The following CARF variants were observed in gnomAD, a reference collection of about 807,000 sequenced individuals.
CARF encodes the protein calcium-responsive transcription factor.
Under a neutral mutation model 82.0 loss-of-function variants are expected in CARF, and 57 were observed. The observed-to-expected ratio is 0.70, with a 90% CI of 0.56 to 0.87. The LOEUF is 0.87. Ranked by LOEUF, CARF falls within the 40% of genes least tolerant of loss-of-function variation. CARF has a pLI of 0.00. For missense variants in CARF, 771 were observed against 855.8 expected (o/e 0.90, Z 1.24); for synonymous variants, 268 against 290.1 (o/e 0.92, Z 0.77).
Position 202,954,095 on chromosome 2 carries a change from C to T in CARF, c.518C>T (p.Pro173Leu). 6.2e-7 allele frequency: 1 copy of T among 1,613,376 alleles called. No individual in the cohort carries two copies. The highest frequency in any genetic ancestry group is 8.5e-7 in the Non-Finnish European group (1 of 1,179,686). Reference protein sequence around the residue: ...ADNTSNYILHPQTSFPLPKKS... With the variant: ...ADNTSNYILHLQTSFPLPKKS... ...AATACCAGCAATTACATTCTTCATC[C>T]TCAAACATCCTTCCCATTGCCCAAA... Residue 173 changes from proline (P) to leucine (L), a missense_variant, in exon 7 of 17, where the codon CCT (proline) becomes CTT (leucine). Pro to Leu is a moderately conservative substitution (Grantham distance 98). Transcript: ENST00000438828.
intron 12 of CARF, among the ~76,000 whole-genome samples, chr2:202,972,532 C>T (rs937387800): frequency 5.9e-5 from 9 of 151,940 alleles, no homozygotes; most frequent in Non-Finnish European, 1.2e-4. Context: ...CAAAAACTAG[C>T]TGGGCATGGT....
chr2:202,981,530 TAATA>T, intron 14 of CARF, 21 bp from the exon 15 acceptor site: 4 of 1,459,340 alleles, frequency 2.7e-6, no homozygotes, highest in Non-Finnish European at 3.7e-6. Flanking sequence ...AAAATTATTT[TAATA>T]GTTTCTTTAA....
At chr2:202,939,579 G>A (rs1250426281) in intron 3 of CARF, among the ~76,000 whole-genome samples, 1 of 148,896 alleles carries the variant, frequency 6.7e-6, no homozygotes, top group Non-Finnish European at 1.5e-5. Flanking sequence ...TTTATGTTCT[G>A]TTTTTGCTGT....
chr2:202,946,356 C>T (rs1481857869), intron 5 of CARF, among the ~76,000 whole-genome samples: 3 of 152,148 alleles, frequency 2.0e-5, no homozygotes, highest in African/African-American at 7.2e-5. Context: ...ACATCTACAA[C>T]CATCTGATCT....
intron 3 of CARF, among the ~76,000 whole-genome samples, chr2:202,935,187 T>G (rs1693714144): frequency 7.0e-6 from 1 of 142,624 alleles, no homozygotes; most frequent in African/African-American, 2.6e-5. Context: ...AATATAAATT[T>G]TATAAATATA....
At position 202,977,334 on chromosome 2, in the gene CARF, T is replaced by C; in HGVS notation, c.1558+2T>C. The C allele has an allele frequency of 1.2e-6, 2 of 1,605,904 alleles. No homozygotes were observed. The highest frequency in any genetic ancestry group is 2.2e-5 in the East Asian group (1 of 44,738). On this transcript the variant is annotated splice_donor_variant, in intron 14 of 16. Coordinates refer to ENST00000438828, the MANE Select transcript of CARF (RefSeq NM_024744.17). LOFTEE classifies it high-confidence loss of function. ...CCATGACAGTTACATTTGCAGAAGG[T>C]AGGTTTTCTTGAATACCTTTAAAAT...
In CARF at chr2:202,982,409, C is replaced by A. The variant is rs78696642; in HGVS notation, c.2027C>A (p.Pro676Gln). The A allele has an allele frequency of 3.1e-6, 5 of 1,613,946 alleles. No homozygotes were observed. The highest frequency in any genetic ancestry group is 4.2e-6 in the Non-Finnish European group (5 of 1,179,966). Residue 676 changes from proline to glutamine, a missense_variant, in exon 16 of 17, where the codon CCA becomes CAA. Transcript: ENST00000438828. ...RILLGDVQTI[P>Q]IQIIDNHSAL... ...CTGTTGGGAGATGTGCAGACTATTC[C>A]AATACAGATTATAGACAACCACTCA... is the stretch of plus-strand genomic sequence containing the variant.
At chr2:202,926,154 G>C (rs977470245) in intron 3 of CARF, among the ~76,000 whole-genome samples, 2 of 152,132 alleles carry the variant, frequency 1.3e-5, no homozygotes, top group East Asian at 1.9e-4. Flanking sequence ...CAGAGCCTGT[G>C]GGGGAGGCAA....
intron 2 of CARF, among the ~76,000 whole-genome samples, chr2:202,923,799 A>G (rs1234021461): frequency 6.6e-6 from 1 of 152,250 alleles, no homozygotes; most frequent in Non-Finnish European, 1.5e-5. Context: ...GAAACAGAAT[A>G]GAGAACCCAG....
At chr2:202,948,254 A>G (rs567775853) in intron 5 of CARF, among the ~76,000 whole-genome samples, 2 of 152,272 alleles carry the variant, frequency 1.3e-5, no homozygotes, top group African/African-American at 4.8e-5. Context: ...TGGTTACTGT[A>G]GCCTTGTAGT....
chr2:202,937,183 G>A, intron 3 of CARF, among the ~76,000 whole-genome samples: 1 of 151,992 alleles, frequency 6.6e-6, no homozygotes, highest in East Asian at 1.9e-4. Flanking sequence ...CTTTTTTGCA[G>A]CCCATAGATT....
intron 1 of CARF, among the ~76,000 whole-genome samples, chr2:202,915,142 G>C (rs1351959713): frequency 6.6e-6 from 1 of 151,462 alleles, no homozygotes; most frequent in Non-Finnish European, 1.5e-5. Context: ...TCAGCTTCCC[G>C]AGTAGCTGGG....
At chr2:202,980,573 G>A (rs376785602) in intron 14 of CARF, among the ~76,000 whole-genome samples, 1 of 121,690 alleles carries the variant, frequency 8.2e-6, no homozygotes, top group South Asian at 2.9e-4. Flanking sequence ...ATTATAGTAC[G>A]GAGAACACAC....
At chr2:202,913,388 CTT>C (rs1291617846) in intron 1 of CARF, among the ~76,000 whole-genome samples, 1 of 152,196 alleles carries the variant, frequency 6.6e-6, no homozygotes, top group East Asian at 1.9e-4. Context: ...TTGTGCCACA[CTT>C]TTATCAACTA....
intron 1 of CARF, among the ~76,000 whole-genome samples, chr2:202,915,952 A>G (rs763509559): frequency 3.3e-5 from 5 of 152,150 alleles, no homozygotes; most frequent in Non-Finnish European, 7.3e-5. Flanking sequence ...ATATAATTGC[A>G]TGCATTTAAA....
At chr2:202,963,384 G>C (rs941994943) in intron 9 of CARF, among the ~76,000 whole-genome samples, 5 of 151,538 alleles carry the variant, frequency 3.3e-5, no homozygotes, top group Admixed American at 6.6e-5. Context: ...AATTTTTTTG[G>C]ACCAGGTATA....
chr2:202,935,150 A>G (rs1473090732), intron 3 of CARF, among the ~76,000 whole-genome samples: 4 of 113,804 alleles, frequency 3.5e-5, no homozygotes, highest in African/African-American at 1.2e-4. Context: ...TAATTATAAT[A>G]TATACTCCTG....
At chr2:202,918,567 T>C (rs1425601236) in intron 2 of CARF, among the ~76,000 whole-genome samples, 2 of 152,020 alleles carry the variant, frequency 1.3e-5, no homozygotes, top group Admixed American at 6.6e-5. Context: ...AAAAAAACTT[T>C]ACTTTGACGG....
At chr2:202,957,216 C>T (rs903203720) in intron 8 of CARF, among the ~76,000 whole-genome samples, 33 of 152,260 alleles carry the variant, frequency 2.2e-4, no homozygotes, top group African/African-American at 7.7e-4. Flanking sequence ...TTTGACCCTC[C>T]CATTTCTGGT....
Sources: gnomAD v4.1 joint callset for allele counts (sites outside exome capture counted in the v4.1 genomes callset) on GRCh38, gnomAD v4.1.1 for gene constraint, MANE v1.5 for transcripts, NCBI Gene and HGNC (gene_info 2026-07-23, HGNC 2026-07-21) for gene names.